LRMDA: variants seen among roughly 807,000 people sequenced by gnomAD.
LRMDA encodes leucine-rich melanocyte differentiation-associated protein.
LRMDA carries 18 observed loss-of-function variants against 29.8 expected under a neutral mutation model. The ratio of observed to expected loss-of-function variants is 0.60; its 90% CI spans 0.42 to 0.90. LRMDA has a LOEUF of 0.90. Among genes scored for constraint, LRMDA ranks in the 40% least tolerant of loss-of-function variants. LRMDA has a pLI of 0.00. For missense variants in LRMDA, 273 were observed against 273.9 expected, an observed-to-expected ratio of 1.00 and a Z score of 0.02; for synonymous variants, 125 against 109.4, an observed-to-expected ratio of 1.14 and a Z score of -0.89.
rs113233478 is a variant in LRMDA at position 76,523,130 on chromosome 10, A to T, written c.602-34079A>T. ...TGATTTTTTTTTTTTTCTGCTTGCT[A>T]TTGCAGTTATTAACTACAGTGAGGC... On this transcript the variant is annotated intron_variant, in intron 6 of 6. Coordinates refer to ENST00000611255, the MANE Select transcript of LRMDA (RefSeq NM_001305581.2). Among the ~76,000 whole-genome samples the T allele has an allele frequency of 2.4e-3, 351 of 149,298 alleles. 2 individuals carry two copies. Among genetic ancestry groups the T allele is most frequent in the Middle Eastern group, 0.01 (3 of 292 alleles).
intron 5 of LRMDA, among the ~76,000 whole-genome samples, chr10:76,203,882 T>C (rs1851480308): frequency 6.8e-6 from 1 of 146,178 alleles, no homozygotes; most frequent in Admixed American, 6.8e-5. Flanking sequence ...CCCATCTCTA[T>C]CTCATGTGGC....
At chr10:76,241,381 C>T (rs1045936480) in intron 5 of LRMDA, among the ~76,000 whole-genome samples, 1 of 152,176 alleles carries the variant, frequency 6.6e-6, no homozygotes, top group African/African-American at 2.4e-5. Context: ...AATGTTTGAG[C>T]ATCTTTTGAT....
At chr10:75,808,012 G>C (rs545245577) in intron 2 of LRMDA, among the ~76,000 whole-genome samples, 42 of 152,170 alleles carry the variant, frequency 2.8e-4, no homozygotes, top group African/African-American at 9.6e-4. Context: ...GGGCATTTGT[G>C]GATTATTCAT....
At chr10:75,732,238 T>C (rs532001401) in intron 2 of LRMDA, among the ~76,000 whole-genome samples, 23 of 152,250 alleles carry the variant, frequency 1.5e-4, no homozygotes, top group Middle Eastern at 6.8e-3. Flanking sequence ...TAAATCTGGA[T>C]ACCTAACGAC....
chr10:76,267,876 G>C (rs1225180304), intron 5 of LRMDA, among the ~76,000 whole-genome samples: 1 of 152,064 alleles, frequency 6.6e-6, no homozygotes, highest in East Asian at 1.9e-4. Context: ...CTTGAAATCA[G>C]TTCACTTTTA....
At position 75,537,633 on chromosome 10, in the gene LRMDA, A is replaced by C. The variant is rs534055237; in HGVS notation, c.131+99139A>C. ...TCAGATCTGGACAAATGTGTAAGGGATTTGCAGATGTGATCAAAGTATTGA... is the reference window on the plus strand; with the variant it reads ...TCAGATCTGGACAAATGTGTAAGGGCTTTGCAGATGTGATCAAAGTATTGA... On this transcript the variant is annotated intron_variant, in intron 2 of 6. Transcript: ENST00000611255. 3.3e-4 allele frequency among the ~76,000 whole-genome samples: 50 copies of C among 152,286 alleles called. No homozygotes were observed. The East Asian group carries it at 9.7e-3, about 29-fold the overall frequency.
chr10:76,056,417 C>A (rs1848615351), intron 4 of LRMDA, among the ~76,000 whole-genome samples: 2 of 152,240 alleles, frequency 1.3e-5, no homozygotes, highest in South Asian at 4.1e-4. Context: ...TCACCGGGGA[C>A]ACACCCCTTT....
chr10:75,951,115 CT>C (rs1456352100), intron 2 of LRMDA, among the ~76,000 whole-genome samples: 1 of 152,186 alleles, frequency 6.6e-6, no homozygotes, highest in African/African-American at 2.4e-5. Context: ...TGTAACTGTC[CT>C]GCCATCCCTG....
intron 2 of LRMDA, among the ~76,000 whole-genome samples, chr10:75,764,009 A>T (rs1843129510): frequency 6.6e-6 from 1 of 152,096 alleles, no homozygotes; most frequent in Non-Finnish European, 1.5e-5. Flanking sequence ...CTTCCATCAT[A>T]ATCAGGAGAC....
chr10:76,060,194 C>A (rs1352577296), intron 5 of LRMDA, among the ~76,000 whole-genome samples: 1 of 152,182 alleles, frequency 6.6e-6, no homozygotes, highest in African/African-American at 2.4e-5. Context: ...AACCTGCCCA[C>A]CCTACATATC....
intron 2 of LRMDA, among the ~76,000 whole-genome samples, chr10:75,882,105 CT>C (rs1181560870): frequency 6.6e-6 from 1 of 152,116 alleles, no homozygotes; most frequent in Non-Finnish European, 1.5e-5. Context: ...AGCCTCTTGA[CT>C]GGAGGGAGTT....
rs568446373 is a variant in LRMDA at position 75,971,004 on chromosome 10, G to A, written c.132-65004G>A. Among the ~76,000 whole-genome samples the A allele has an allele frequency of 2.0e-4, 31 of 152,286 alleles. No individual in the cohort carries two copies. In the South Asian group the frequency reaches 6.4e-3, roughly 32 times the overall value. On this transcript the variant is annotated intron_variant, in intron 2 of 6. Coordinates refer to ENST00000611255, the MANE Select transcript of LRMDA (RefSeq NM_001305581.2). The stretch of plus-strand genomic sequence containing the variant: ...TCTAGAGCTGGGGATGTGAAGGCCT[G>A]GAGGAGGTGACCAATGAGCCCTCCT...
intron 5 of LRMDA, among the ~76,000 whole-genome samples, chr10:76,251,223 CTTCTTTTTTT>C (rs1852474201): frequency 4.2e-5 from 5 of 119,152 alleles, no homozygotes; most frequent in Admixed American, 9.6e-5. Context: ...TCTCCCGTCG[CTTCTTTTTTT>C]TTTTTTTTTT....
At chr10:75,496,755 G>T (rs1228163111) in intron 2 of LRMDA, among the ~76,000 whole-genome samples, 1 of 152,128 alleles carries the variant, frequency 6.6e-6, no homozygotes, top group African/African-American at 2.4e-5. Flanking sequence ...TGTACTTTGA[G>T]CCTTTCTGGG....
At chr10:75,700,523 C>T (rs1842292794) in intron 2 of LRMDA, among the ~76,000 whole-genome samples, 1 of 151,332 alleles carries the variant, frequency 6.6e-6, no homozygotes, top group Non-Finnish European at 1.5e-5. Context: ...GCAAGCTCCA[C>T]CTCCTGGGTT....
At chr10:76,527,279 G>T (rs1843186853) in intron 6 of LRMDA, among the ~76,000 whole-genome samples, 1 of 152,080 alleles carries the variant, frequency 6.6e-6, no homozygotes, top group Non-Finnish European at 1.5e-5. Context: ...AATTAAGTAT[G>T]CACTACCATG....
chr10:76,169,809 G>T (rs1398157794), intron 5 of LRMDA, among the ~76,000 whole-genome samples: 1 of 152,150 alleles, frequency 6.6e-6, no homozygotes, highest in East Asian at 1.9e-4. Flanking sequence ...TAGTAGAAAT[G>T]GTAGACTCCA....
chr10:76,434,573 C>T (rs1205115589), intron 6 of LRMDA, among the ~76,000 whole-genome samples: 1 of 152,202 alleles, frequency 6.6e-6, no homozygotes. Flanking sequence ...GTTCATCCAT[C>T]CATGAGTACC....
chr10:76,398,345 T>A (rs1223625787), intron 6 of LRMDA, among the ~76,000 whole-genome samples: 1 of 152,132 alleles, frequency 6.6e-6, no homozygotes, highest in Non-Finnish European at 1.5e-5. Flanking sequence ...TGGCATAGAT[T>A]GTCATTTCAG....
Sources: gnomAD v4.1 joint callset for allele counts (sites outside exome capture counted in the v4.1 genomes callset) on GRCh38, gnomAD v4.1.1 for gene constraint, MANE v1.5 for transcripts, NCBI Gene and HGNC (gene_info 2026-07-23, HGNC 2026-07-21) for gene names.